Variants in EBF3 observed in about 807,000 individuals in gnomAD.
EBF3 encodes transcription factor COE3.
Under a neutral mutation model 77.1 loss-of-function variants are expected in EBF3, and 18 were observed. The observed-to-expected ratio is 0.23, with a 90% confidence interval of 0.16 to 0.35. The LOEUF is 0.35. EBF3 is among the 10% of genes least tolerant of loss of function. EBF3 has a pLI of 1.00. For synonymous variants in EBF3, 350 were observed against 343.5 expected (o/e 1.02, Z -0.21); for missense variants, 558 against 860.0 (o/e 0.65, Z 4.39).
intron 6 of EBF3, among the ~76,000 whole-genome samples, chr10:129,888,559 G>A (rs762145043): frequency 7.9e-5 from 12 of 152,224 alleles, no homozygotes; most frequent in East Asian, 1.9e-4. Flanking sequence ...GAAGGCCGGG[G>A]CCACGACATC....
rs74162534 is a variant in EBF3 at position 129,949,976 on chromosome 10, A to T, written c.554+7282T>A. On this transcript the variant is annotated intron_variant, in intron 6 of 16. Coordinates refer to ENST00000440978, the MANE Select transcript of EBF3 (RefSeq NM_001375380.1). ...CCAACTGCTTTCTGCTGAGAGGGACAGAGGAAAATATAGGCAGGAGGGTGG... is the reference window on the plus strand; with the variant it reads ...CCAACTGCTTTCTGCTGAGAGGGACTGAGGAAAATATAGGCAGGAGGGTGG... Among the ~76,000 whole-genome samples the T allele has an allele frequency of 5.6e-3, 809 of 145,346 alleles. 6 individuals carry two copies. The highest frequency in any genetic ancestry group is 0.019 in the African/African-American group (748 of 39,948).
chr10:129,849,789 C>T (rs1297999889), intron 10 of EBF3, among the ~76,000 whole-genome samples: 1 of 152,232 alleles, frequency 6.6e-6, no homozygotes. Flanking sequence ...TTTTACATGA[C>T]ATGGCTTTTG....
intron 11 of EBF3, among the ~76,000 whole-genome samples, chr10:129,846,680 C>T (rs1017328768): frequency 3.3e-5 from 5 of 151,966 alleles, no homozygotes; most frequent in African/African-American, 9.7e-5. Context: ...ATTTACATGC[C>T]GCTGAACTCC....
intron 6 of EBF3, among the ~76,000 whole-genome samples, chr10:129,905,478 T>C (rs979712397): frequency 2.4e-4 from 37 of 152,124 alleles, no homozygotes; most frequent in African/African-American, 8.2e-4. Flanking sequence ...ACTTGAAAAA[T>C]TTAATAGTCA....
chr10:129,844,355 G>A (rs540005354), intron 11 of EBF3, among the ~76,000 whole-genome samples: 3 of 152,300 alleles, frequency 2.0e-5, no homozygotes, highest in African/African-American at 7.2e-5. Flanking sequence ...TGTGGCTGTG[G>A]CCTTCCCAGA....
intron 6 of EBF3, among the ~76,000 whole-genome samples, chr10:129,940,430 C>T (rs530001613): frequency 6.6e-6 from 1 of 152,326 alleles, no homozygotes; most frequent in South Asian, 2.1e-4. Flanking sequence ...GCCCCAGGCA[C>T]AGAAGGGGAA....
chr10:129,923,192 T>C (rs568668515), intron 6 of EBF3, among the ~76,000 whole-genome samples: 2 of 152,348 alleles, frequency 1.3e-5, no homozygotes, highest in East Asian at 1.9e-4. Flanking sequence ...GTGCCTTCCA[T>C]AGTGACTTCA....
chr10:129,871,404 C>T (rs941538372), intron 8 of EBF3, among the ~76,000 whole-genome samples: 2 of 152,116 alleles, frequency 1.3e-5, no homozygotes, highest in South Asian at 2.1e-4. Flanking sequence ...AGGGGGAATT[C>T]GTTTACTTGG....
At chr10:129,877,956 G>C (rs1852911775) in intron 6 of EBF3, 107 bp from the exon 7 acceptor site, 2 of 830,180 alleles carry the variant, frequency 2.4e-6, no homozygotes, top group Admixed American at 5.1e-5. Context: ...CAACCCCACA[G>C]CTTCCACACT....
At chr10:129,920,468 A>G (rs184013303) in intron 6 of EBF3, among the ~76,000 whole-genome samples, 2 of 152,334 alleles carry the variant, frequency 1.3e-5, no homozygotes, top group African/African-American at 4.8e-5. Flanking sequence ...CGGGGGCGGC[A>G]CAGCATACCT....
chr10:129,844,488 A>C (rs1850313673), intron 11 of EBF3, among the ~76,000 whole-genome samples: 1 of 152,076 alleles, frequency 6.6e-6, no homozygotes, highest in South Asian at 2.1e-4. Context: ...CAGGCCCGTA[A>C]TGACTCCACT....
chr10:129,839,440 C>A (rs1160126087), intron 15 of EBF3, among the ~76,000 whole-genome samples: 1 of 152,242 alleles, frequency 6.6e-6, no homozygotes, highest in African/African-American at 2.4e-5. Flanking sequence ...CCACGTGCAG[C>A]CTGCACAGCT....
At position 129,897,822 on chromosome 10, in the gene EBF3, G is replaced by A. The variant is rs1011432453; in HGVS notation, c.555-19973C>T. Among the ~76,000 whole-genome samples, 23 of 152,184 alleles carry A rather than the reference G, an allele frequency of 1.5e-4. No homozygotes were observed. The highest frequency in any genetic ancestry group is 2.9e-4 in the Non-Finnish European group (20 of 68,032). On this transcript the variant is annotated intron_variant, in intron 6 of 16. Coordinates refer to ENST00000440978, the MANE Select transcript of EBF3 (RefSeq NM_001375380.1). This position sits in a 1 kb window ranked among gnomAD's most constrained non-coding sequence, Gnocchi z 4.6. The stretch of plus-strand genomic sequence containing the variant: ...GTGACGGGGCCACTTGTGGGTATGC[G>A]AGTACATGGCGGCCAGAGGCAGATA...
chr10:129,876,891 C>A lies in EBF3; in HGVS notation c.636+877G>T, dbSNP rs1208042553. Among the ~76,000 whole-genome samples the A allele has an allele frequency of 3.2e-4, 33 of 103,962 alleles. 1 individual carries two copies. Among genetic ancestry groups the A allele is most frequent in the East Asian group, 1.9e-3 (5 of 2,608 alleles). 68.2% of individuals were successfully genotyped at this position (103,962 alleles called of 152,430 possible). ...TATCATAATTCATCCCTGAACCCCC[C>A]CCCCCCCCCCACCCAGCTACCCCTC... is the stretch of plus-strand genomic sequence containing the variant. On this transcript the variant is annotated intron_variant, in intron 7 of 16. Transcript: ENST00000440978.
chr10:129,919,080 G>A (rs1043484594), intron 6 of EBF3, among the ~76,000 whole-genome samples: 7 of 152,318 alleles, frequency 4.6e-5, no homozygotes, highest in South Asian at 4.1e-4. Context: ...CTCTGTCCCC[G>A]AGGTGCTTGG....
At chr10:129,894,341 T>C (rs1472083188) in intron 6 of EBF3, among the ~76,000 whole-genome samples, 1 of 152,248 alleles carries the variant, frequency 6.6e-6, no homozygotes, top group African/African-American at 2.4e-5. Context: ...GGTGCATTAA[T>C]TAGTCACAAC....
intron 6 of EBF3, among the ~76,000 whole-genome samples, chr10:129,904,074 G>A (rs145291264): frequency 1.3e-5 from 2 of 152,302 alleles, no homozygotes; most frequent in East Asian, 3.9e-4. Flanking sequence ...GTTGGTGGAA[G>A]ATATTCAGGC....
At chr10:129,888,885 A>C (rs1853807104) in intron 6 of EBF3, among the ~76,000 whole-genome samples, 1 of 152,234 alleles carries the variant, frequency 6.6e-6, no homozygotes. Context: ...ATTACAAAAA[A>C]AAAGGTAGGG....
At chr10:129,959,274 A>G (rs569352624) in intron 4 of EBF3, among the ~76,000 whole-genome samples, 9 of 151,838 alleles carry the variant, frequency 5.9e-5, no homozygotes, top group African/African-American at 1.9e-4. Context: ...GAAGGCGCCG[A>G]CTGGGCTCGG....
Sources: gnomAD v4.1 joint callset for allele counts (sites outside exome capture counted in the v4.1 genomes callset) on GRCh38, gnomAD v4.1.1 for gene constraint, Gnocchi (gnomAD v3.1) non-coding constraint, MANE v1.5 for transcripts, NCBI Gene and HGNC (gene_info 2026-07-23, HGNC 2026-07-21) for gene names.